Variants in CAMK2D observed in about 807,000 individuals in gnomAD.
The protein encoded by CAMK2D is calcium/calmodulin dependent protein kinase II delta.
In CAMK2D, 37 loss-of-function variants were observed where a neutral mutation model predicts 84.0. The observed-to-expected ratio is 0.44, with a 90% CI of 0.34 to 0.58. The LOEUF is 0.58. Among genes scored for constraint, CAMK2D ranks in the 20% least tolerant of loss-of-function variants. The pLI, the probability that CAMK2D is intolerant of heterozygous loss-of-function variation, is 0.02. For synonymous variants in CAMK2D, 202 were observed against 212.5 expected (o/e 0.95, Z 0.43); for missense variants, 448 against 652.5 (o/e 0.69, Z 3.41).
At chr4:113,663,982 G>T (rs2099247768) in intron 2 of CAMK2D, among the ~76,000 whole-genome samples, 1 of 152,122 alleles carries the variant, frequency 6.6e-6, no homozygotes, top group Non-Finnish European at 1.5e-5. Flanking sequence ...TCATTATTGT[G>T]GGCTCTAATC....
At chr4:113,479,008 TA>T (rs1310309472) in intron 16 of CAMK2D, among the ~76,000 whole-genome samples, 1 of 152,188 alleles carries the variant, frequency 6.6e-6, no homozygotes, top group Non-Finnish European at 1.5e-5. Flanking sequence ...AGACATGCTG[TA>T]AATAACCACA....
chr4:113,712,862 AT>A (rs1015727916), intron 2 of CAMK2D, among the ~76,000 whole-genome samples: 1 of 151,992 alleles, frequency 6.6e-6, no homozygotes. Flanking sequence ...GGGATAAAAT[AT>A]TTTTTTAATG....
At position 113,509,618 on chromosome 4, in the gene CAMK2D, G is replaced by C; in HGVS notation, c.984+20C>G. ...GCATCTGAAAGTCAGAAATGGATTAGGGGCATCTGTTTAACTTACCTTTAC... is the reference window on the plus strand; with the variant it reads ...GCATCTGAAAGTCAGAAATGGATTACGGGCATCTGTTTAACTTACCTTTAC... On this transcript the variant is annotated intron_variant, in intron 13 of 20. Transcript: ENST00000511664. 1 of 1,519,934 alleles carries C rather than the reference G, an allele frequency of 6.6e-7. No homozygotes were observed. Among genetic ancestry groups the C allele is most frequent in the African/African-American group, 1.4e-5 (1 of 73,186 alleles). The allele number at this position is 1,519,934 out of a possible 1,614,324, so 94.2% of individuals were successfully genotyped here.
chr4:113,669,883 A>G (rs1293104725), intron 2 of CAMK2D, among the ~76,000 whole-genome samples: 1 of 152,218 alleles, frequency 6.6e-6, no homozygotes, highest in African/African-American at 2.4e-5. Flanking sequence ...GTCAGAGTCA[A>G]GACCTGTCCA....
At chr4:113,640,505 T>G (rs956786692) in intron 3 of CAMK2D, among the ~76,000 whole-genome samples, 2 of 152,154 alleles carry the variant, frequency 1.3e-5, no homozygotes, top group Non-Finnish European at 1.5e-5. Context: ...GAGCTTACTA[T>G]CTATCAGAAA....
rs552781187 is a variant in CAMK2D, at chr4:113,542,522, T to C, written c.415-5079A>G. On this transcript the variant is annotated intron_variant, in intron 6 of 20. Transcript: ENST00000511664. ...CGAGGTCAGGAGATCAACACCATCC[T>C]GGCTAACACAGTGAAACCCTGTTTC... is the stretch of plus-strand genomic sequence containing the variant. 5.9e-5 allele frequency among the ~76,000 whole-genome samples: 9 copies of C among 152,234 alleles called. No individual in the cohort carries two copies. The East Asian group carries it at 1.4e-3, about 23-fold the overall frequency.
chr4:113,552,612 G>T (rs913695002), intron 4 of CAMK2D, among the ~76,000 whole-genome samples: 3 of 152,156 alleles, frequency 2.0e-5, no homozygotes, highest in Non-Finnish European at 4.4e-5. Context: ...TAAGTTAATT[G>T]TATTTGTCAT....
At position 113,577,369 on chromosome 4, in the gene CAMK2D, T is replaced by C. The variant is rs1228032057; in HGVS notation, c.276-25273A>G. Among the ~76,000 whole-genome samples the C allele has an allele frequency of 2.0e-5, 3 of 152,324 alleles. No homozygotes were observed. In the East Asian group the frequency reaches 5.8e-4, roughly 29 times the overall value. ...ACATATGTTGTTCCATATTTTGGGTTCTCTATTCAGGAACACCAATTACCC... is the reference window on the plus strand; with the variant it reads ...ACATATGTTGTTCCATATTTTGGGTCCTCTATTCAGGAACACCAATTACCC... On this transcript the variant is annotated intron_variant, in intron 4 of 20. Coordinates refer to ENST00000511664, the MANE Select transcript of CAMK2D (RefSeq NM_001321571.2).
Position 113,735,328 on chromosome 4 carries a change from A to G in CAMK2D, c.160+23992T>C, listed in dbSNP as rs559200081. ...AAAAAAAAAAAAAAAAAAAAAAATT[A>G]GCTGGGCATGGTGGTGTGCGCCTGT... On this transcript the variant is annotated intron_variant, in intron 2 of 20. Transcript: ENST00000511664. 2.3e-5 allele frequency among the ~76,000 whole-genome samples: 3 copies of G among 130,840 alleles called. 1 individual carries two copies. The South Asian group carries it at 7.4e-4, about 32-fold the overall frequency. 85.8% of individuals were successfully genotyped at this position (130,840 alleles called of 152,430 possible).
intron 2 of CAMK2D, among the ~76,000 whole-genome samples, chr4:113,674,647 G>A (rs1451261066): frequency 6.6e-6 from 1 of 151,972 alleles, no homozygotes; most frequent in East Asian, 1.9e-4. Flanking sequence ...CCTCTCCCAT[G>A]GGAAATTAAC....
chr4:113,604,059 A>G (rs1010614733), intron 4 of CAMK2D, among the ~76,000 whole-genome samples: 1 of 152,152 alleles, frequency 6.6e-6, no homozygotes, highest in African/African-American at 2.4e-5. Flanking sequence ...CTATAAAAAT[A>G]GAACTTCCAT....
At chr4:113,656,304 T>C (rs1044199719) in intron 3 of CAMK2D, among the ~76,000 whole-genome samples, 1 of 152,138 alleles carries the variant, frequency 6.6e-6, no homozygotes, top group Non-Finnish European at 1.5e-5. Flanking sequence ...CTACAATTTG[T>C]TGAGCCAAAA....
At chr4:113,595,929 A>G (rs1220299035) in intron 4 of CAMK2D, among the ~76,000 whole-genome samples, 2 of 152,136 alleles carry the variant, frequency 1.3e-5, no homozygotes, top group East Asian at 3.9e-4. Context: ...TTTGCTGCAT[A>G]TTGATTGACT....
At chr4:113,486,113 A>C (rs1489410014) in intron 16 of CAMK2D, among the ~76,000 whole-genome samples, 2 of 150,964 alleles carry the variant, frequency 1.3e-5, no homozygotes, top group Non-Finnish European at 3.0e-5. Context: ...AAAGAGATTA[A>C]GTAGTTCCTC....
intron 4 of CAMK2D, among the ~76,000 whole-genome samples, chr4:113,563,439 A>G (rs1416556454): frequency 6.6e-6 from 1 of 152,034 alleles, no homozygotes; most frequent in African/African-American, 2.4e-5. Flanking sequence ...TTTGTCTCTC[A>G]TAGAATCCTC....
intron 17 of CAMK2D, among the ~76,000 whole-genome samples, chr4:113,464,972 T>C (rs947957350): frequency 2.6e-5 from 4 of 152,216 alleles, no homozygotes; most frequent in African/African-American, 9.6e-5. Context: ...TATACATCTG[T>C]ATATTTACAA....
At position 113,454,255 on chromosome 4, in the gene CAMK2D, A is replaced by ATT. The variant is rs75145111; in HGVS notation, c.*288_*289dup. 3.1e-5 allele frequency: 9 copies of ATT among 292,878 alleles called. No individual in the cohort carries two copies. Among genetic ancestry groups the ATT allele is most frequent in the Admixed American group, 5.2e-5 (1 of 19,194 alleles). 18.1% of individuals were successfully genotyped at this position (292,878 alleles called of 1,614,324 possible). ...AAGAGTTGTACTTGGAATATTGTGG[A>ATT]TTTTTTTTTTTGTCTAATCTCCCCC... On this transcript the variant is annotated 3_prime_UTR_variant, in exon 21 of 21. Transcript: ENST00000511664.
chr4:113,581,065 A>T (rs1591506221), intron 4 of CAMK2D, among the ~76,000 whole-genome samples: 1 of 152,200 alleles, frequency 6.6e-6, no homozygotes. Context: ...GTGCCCCAGC[A>T]CTAAAAATAA....
intron 12 of CAMK2D, among the ~76,000 whole-genome samples, chr4:113,510,288 CATT>C (rs2154161101): frequency 6.6e-6 from 1 of 152,252 alleles, no homozygotes; most frequent in Non-Finnish European, 1.5e-5. Context: ...TAAAAAATGG[CATT>C]ATGTATTCTT....
Sources: gnomAD v4.1 joint callset for allele counts (sites outside exome capture counted in the v4.1 genomes callset) on GRCh38, gnomAD v4.1.1 for gene constraint, MANE v1.5 for transcripts, NCBI Gene and HGNC (gene_info 2026-07-23, HGNC 2026-07-21) for gene names.